The following CXCL13 variants were observed in gnomAD, a reference collection of about 807,000 sequenced individuals.
The protein encoded by CXCL13 is C-X-C motif chemokine 13.
Under a neutral mutation model 12.2 loss-of-function variants are expected in CXCL13, and 7 were observed. The observed-to-expected ratio is 0.57, with a 90% CI of 0.33 to 1.07. CXCL13 has a LOEUF of 1.07. Among genes scored for constraint, CXCL13 ranks in the 50% least tolerant of loss-of-function variants. The probability of loss-of-function intolerance (pLI) is 0.04; values close to 1 mark genes in which losing one functional copy is unlikely to be tolerated. For missense variants in CXCL13, 113 were observed against 127.4 expected (o/e 0.89, Z 0.55); for synonymous variants, 47 against 42.4 (o/e 1.11, Z -0.42).
At chr4:77,582,960 G>A (rs1337069891) in intron 1 of CXCL13, among the ~76,000 whole-genome samples, 1 of 152,142 alleles carries the variant, frequency 6.6e-6, no homozygotes, top group African/African-American at 2.4e-5. Context: ...TCAAGAAGAA[G>A]GTACTCATAA....
At chr4:77,568,046 C>G (rs761162986) in intron 1 of CXCL13, among the ~76,000 whole-genome samples, 22 of 152,176 alleles carry the variant, frequency 1.4e-4, no homozygotes, top group Non-Finnish European at 2.8e-4. Context: ...AAGCCAATAA[C>G]CCCAATGGAC....
chr4:77,555,101 T>A lies in CXCL13; in HGVS notation c.-43+43313T>A, dbSNP rs1016110747. 5.3e-5 allele frequency among the ~76,000 whole-genome samples: 8 copies of A among 151,806 alleles called. No individual in the cohort carries two copies. In the East Asian group the frequency reaches 9.7e-4, roughly 18 times the overall value. On this transcript the variant is annotated intron_variant, in intron 1 of 4. Transcript: ENST00000286758. Reference sequence around the variant, plus strand: ...AAAATATGAATAAAATAAATGAAATTTGAAAATATTTAATTAACAGGAAAA... The same window carrying A: ...AAAATATGAATAAAATAAATGAAATATGAAAATATTTAATTAACAGGAAAA...
chr4:77,592,202 A>C (rs1465382682), intron 1 of CXCL13, among the ~76,000 whole-genome samples: 1 of 152,256 alleles, frequency 6.6e-6, no homozygotes, highest in Non-Finnish European at 1.5e-5. Flanking sequence ...ACATCAGCAG[A>C]TAAATGAATA....
chr4:77,527,216 A>G (rs1038689113), intron 1 of CXCL13, among the ~76,000 whole-genome samples: 4 of 152,232 alleles, frequency 2.6e-5, no homozygotes, highest in African/African-American at 9.6e-5. Flanking sequence ...CGATTGGAAC[A>G]GCTTAAATTA....
At chr4:77,604,201 G>T (rs1245534955), upstream of CXCL13, among the ~76,000 whole-genome samples, 1 of 152,106 alleles carries the variant, frequency 6.6e-6, no homozygotes, top group Non-Finnish European at 1.5e-5. Flanking sequence ...AGCACGGTTG[G>T]GGTAGAAGAG....
At chr4:77,551,771 CTTTG>C (rs968715595) in intron 1 of CXCL13, among the ~76,000 whole-genome samples, 2 of 152,006 alleles carry the variant, frequency 1.3e-5, no homozygotes, top group Non-Finnish European at 2.9e-5. Flanking sequence ...TTCTCAAAGA[CTTTG>C]TTTATTTTTT....
intron 1 of CXCL13, among the ~76,000 whole-genome samples, chr4:77,547,994 CT>C: frequency 6.6e-6 from 1 of 151,818 alleles, no homozygotes; most frequent in East Asian, 1.9e-4. Context: ...GTTTATGAAG[CT>C]TAGTTTGGCT....
upstream of CXCL13, among the ~76,000 whole-genome samples, chr4:77,605,327 C>T (rs1726975088): frequency 6.6e-6 from 1 of 152,122 alleles, no homozygotes; most frequent in Non-Finnish European, 1.5e-5. Context: ...GCATAATCAG[C>T]GTTAGGATCT....
At chr4:77,568,726 T>C (rs916496542) in intron 1 of CXCL13, among the ~76,000 whole-genome samples, 1 of 152,270 alleles carries the variant, frequency 6.6e-6, no homozygotes. Flanking sequence ...TTTGGGCTTT[T>C]CGGCATTTGG....
rs76355159 is a variant in CXCL13 at position 77,592,903 on chromosome 4, C to G, written c.-42-12921C>G. Among the ~76,000 whole-genome samples, 142 of 152,254 alleles carry G rather than the reference C, an allele frequency of 9.3e-4. 4 individuals carry two copies. The East Asian group carries it at 0.022, about 24-fold the overall frequency. ...AGATTTACACAAGATTTCTCCAAAA[C>G]AGGAAGTTTTGAATGCTGGGCAGCT... On this transcript the variant is annotated intron_variant, in intron 1 of 4. Coordinates refer to the CXCL13 transcript ENST00000286758.
intron 1 of CXCL13, among the ~76,000 whole-genome samples, chr4:77,552,658 C>T (rs952643431): frequency 3.9e-5 from 6 of 152,228 alleles, no homozygotes; most frequent in Admixed American, 3.3e-4. Context: ...AGCACCAGCA[C>T]TGAGGGGAGA....
intron 1 of CXCL13, among the ~76,000 whole-genome samples, chr4:77,531,367 G>A (rs1051681150): frequency 1.0e-4 from 15 of 145,332 alleles, no homozygotes; most frequent in African/African-American, 2.8e-4. Flanking sequence ...GAGAACATGC[G>A]GTGTTTGGTG....
At chr4:77,584,704 G>A (rs971631611) in intron 1 of CXCL13, among the ~76,000 whole-genome samples, 16 of 152,144 alleles carry the variant, frequency 1.1e-4, no homozygotes, top group African/African-American at 3.6e-4. Flanking sequence ...CCAGTGCCTT[G>A]ACTGTTTGGG....
At chr4:77,536,136 G>T (rs183671330) in intron 1 of CXCL13, among the ~76,000 whole-genome samples, 10 of 152,082 alleles carry the variant, frequency 6.6e-5, no homozygotes, top group African/African-American at 2.2e-4. Context: ...ACCCATATAA[G>T]TCAGCTTTTG....
intron 1 of CXCL13, among the ~76,000 whole-genome samples, chr4:77,526,597 C>G (rs796503168): frequency 3.3e-5 from 5 of 152,224 alleles, no homozygotes; most frequent in African/African-American, 1.2e-4. Context: ...GCATTTATTA[C>G]ATAATTGGCT....
intron 2 of CXCL13, among the ~76,000 whole-genome samples, chr4:77,609,058 A>G (rs1293716367): frequency 1.3e-5 from 2 of 152,242 alleles, no homozygotes. Flanking sequence ...TTATTGTGAG[A>G]AATTCATGCC....
intron 1 of CXCL13, among the ~76,000 whole-genome samples, chr4:77,588,349 C>T (rs1243478221): frequency 2.0e-5 from 3 of 152,100 alleles, no homozygotes; most frequent in Non-Finnish European, 4.4e-5. Flanking sequence ...AGAGTGGCCA[C>T]GGTTGGGGTA....
chr4:77,554,960 C>T (rs975432409), intron 1 of CXCL13, among the ~76,000 whole-genome samples: 1 of 151,438 alleles, frequency 6.6e-6, no homozygotes, highest in African/African-American at 2.4e-5. Context: ...GCTTTAAATG[C>T]TTACATTAGA....
intron 1 of CXCL13, among the ~76,000 whole-genome samples, chr4:77,531,517 A>G (rs1724916897): frequency 6.6e-6 from 1 of 151,928 alleles, no homozygotes. Context: ...AAGAATGTAT[A>G]TTCTGTTGAT....
Sources: allele counts gnomAD v4.1 joint callset (sites outside exome capture counted in the v4.1 genomes callset), GRCh38; gene constraint gnomAD v4.1.1; transcripts MANE v1.5; gene names NCBI Gene and HGNC (gene_info 2026-07-23, HGNC 2026-07-21).